Variants in ZNF423 observed in about 807,000 individuals in gnomAD.
ZNF423 encodes zinc finger protein 423.
Under a neutral mutation model 95.8 loss-of-function variants are expected in ZNF423, and 12 were observed. That is an observed-to-expected ratio of 0.13 (90% confidence interval 0.08 to 0.20). The LOEUF is 0.20. Ranked by LOEUF, ZNF423 falls within the 10% of genes least tolerant of loss-of-function variation. The pLI, the probability that ZNF423 is intolerant of heterozygous loss-of-function variation, is 1.00. For missense variants in ZNF423, 1,316 were observed against 1,737.1 expected (o/e 0.76, Z 4.31); for synonymous variants, 749 against 711.9 (o/e 1.05, Z -0.83).
chr16:49,736,756 C>T lies in ZNF423; in HGVS notation c.101-5785G>A, dbSNP rs534274927. On this transcript the variant is annotated intron_variant, in intron 2 of 7. Transcript: ENST00000563137. ...GCTGCAGTGAGCCGTGTTCGCACCA[C>T]TGCACTCCAGCCTGGATAACAGAGC... 7.2e-5 allele frequency among the ~76,000 whole-genome samples: 11 copies of T among 152,202 alleles called. No homozygotes were observed. The South Asian group carries it at 1.2e-3, about 17-fold the overall frequency.
intron 3 of ZNF423, among the ~76,000 whole-genome samples, chr16:49,677,248 T>TAGAAGAGAAGAG (rs1484203280): frequency 1.5e-5 from 1 of 68,556 alleles, no homozygotes; most frequent in African/African-American, 6.7e-5. Context: ...GAAGAGAAGA[T>TAGAAGAGAAGAG]AAGAGAAGAG....
intron 6 of ZNF423, 74 bp from the exon 7 acceptor site, chr16:49,523,813 C>G (rs1170929018): frequency 8.3e-7 from 1 of 1,207,510 alleles, no homozygotes. Flanking sequence ...GCCCCCACAA[C>G]ACTCGCAGGC....
chr16:49,546,378 G>A (rs1284438343), intron 5 of ZNF423, among the ~76,000 whole-genome samples: 2 of 152,110 alleles, frequency 1.3e-5, no homozygotes, highest in East Asian at 1.9e-4. Context: ...CTACTCGGTG[G>A]GGTGTCCTTG....
chr16:49,750,519 A>G (rs965633783), intron 2 of ZNF423, among the ~76,000 whole-genome samples: 2 of 152,146 alleles, frequency 1.3e-5, no homozygotes, highest in Non-Finnish European at 2.9e-5. Context: ...GGAGGGCCAG[A>G]GCCCCCAGGG....
intron 1 of ZNF423, chr16:49,854,275 T>C (rs2035332596): frequency 1.0e-6 from 1 of 985,228 alleles, no homozygotes; most frequent in African/African-American, 1.7e-5. Context: ...GGCGCTCCGT[T>C]TGGACTCAGT....
chr16:49,653,163 G>A (rs572231118), intron 3 of ZNF423, among the ~76,000 whole-genome samples: 2 of 152,072 alleles, frequency 1.3e-5, no homozygotes, highest in South Asian at 2.1e-4. Flanking sequence ...GGGACTTGGG[G>A]TCCCCACTCT....
rs764578156 is a variant in ZNF423 at position 49,635,832 on chromosome 16, A to G, written c.3344T>C (p.Leu1115Pro). Residue 1115 changes from leucine to proline, a missense_variant, in exon 4 of 8, where the codon CTG becomes CCG. Coordinates refer to ENST00000563137, the MANE Select transcript of ZNF423 (RefSeq NM_001379286.1). The surrounding 1 kb of genome is among the most constrained non-coding windows in gnomAD (Gnocchi z 4.8). ...ARSANGQVGGLAPPEPADRPC... is the reference protein window; with the variant it reads ...ARSANGQVGGPAPPEPADRPC... ...CCGGTCGGCGGGCTCGGGCGGGGCC[A>G]GGCCACCCACCTGTCCGTTGGCGCT... The G allele has an allele frequency of 1.9e-6, 3 of 1,606,666 alleles. No individual in the cohort carries two copies. The highest frequency in any genetic ancestry group is 2.5e-6 in the Non-Finnish European group (3 of 1,177,220).
chr16:49,677,012 G>A lies in ZNF423; in HGVS notation c.302-38138C>T, dbSNP rs1267942581. Among the ~76,000 whole-genome samples, 5 of 151,946 alleles carry A rather than the reference G, an allele frequency of 3.3e-5. No individual in the cohort carries two copies. The East Asian group carries it at 9.8e-4, about 30-fold the overall frequency. ...GTGGGCGGATCACCTGAGGTCAGGA[G>A]CTCAAGATCACCCTGGCCAACATGG... On this transcript the variant is annotated intron_variant, in intron 3 of 7. Coordinates refer to ENST00000563137, the MANE Select transcript of ZNF423 (RefSeq NM_001379286.1).
At chr16:49,611,508 A>G (rs1164054941) in intron 5 of ZNF423, among the ~76,000 whole-genome samples, 1 of 152,058 alleles carries the variant, frequency 6.6e-6, no homozygotes, top group Non-Finnish European at 1.5e-5. Context: ...AAAGGCTAAG[A>G]GGGAAATGTA....
At chr16:49,613,579 A>G (rs139131886) in intron 5 of ZNF423, among the ~76,000 whole-genome samples, 27 of 152,308 alleles carry the variant, frequency 1.8e-4, no homozygotes, top group African/African-American at 6.3e-4. Context: ...AGTCCTAGCT[A>G]TTTTGTTAGG....
At chr16:49,746,834 G>A (rs1179814060) in intron 2 of ZNF423, among the ~76,000 whole-genome samples, 1 of 152,044 alleles carries the variant, frequency 6.6e-6, no homozygotes, top group Non-Finnish European at 1.5e-5. Context: ...CCTCCTAACA[G>A]CTGGAGCCCA....
At chr16:49,644,827 G>T (rs1259426884) in intron 3 of ZNF423, among the ~76,000 whole-genome samples, 1 of 151,962 alleles carries the variant, frequency 6.6e-6, no homozygotes, top group Non-Finnish European at 1.5e-5. Flanking sequence ...TCCCACCTTG[G>T]TCCTGCCCCA....
intron 7 of ZNF423, among the ~76,000 whole-genome samples, chr16:49,515,226 C>T (rs546904807): frequency 1.3e-5 from 2 of 152,362 alleles, no homozygotes; most frequent in South Asian, 2.1e-4. Flanking sequence ...GCCCTGGCCC[C>T]GCGCGCACAG....
At chr16:49,696,629 C>G (rs1360868497) in intron 3 of ZNF423, among the ~76,000 whole-genome samples, 1 of 152,174 alleles carries the variant, frequency 6.6e-6, no homozygotes, top group Non-Finnish European at 1.5e-5. Context: ...GCCACAGAGG[C>G]TGTGACGGCA....
intron 5 of ZNF423, among the ~76,000 whole-genome samples, chr16:49,589,193 C>A (rs1434250904): frequency 6.6e-5 from 10 of 152,206 alleles, no homozygotes; most frequent in African/African-American, 2.4e-4. Flanking sequence ...AAGTCCATCA[C>A]AAAGGGGAAA....
intron 5 of ZNF423, among the ~76,000 whole-genome samples, chr16:49,528,535 GAA>G (rs1968707839): frequency 6.6e-6 from 1 of 152,160 alleles, no homozygotes; most frequent in African/African-American, 2.4e-5. Flanking sequence ...CAAACCTGGG[GAA>G]AGAGGGGAGG....
At chr16:49,664,377 C>T (rs2030425044) in intron 3 of ZNF423, 1 of 789,644 alleles carries the variant, frequency 1.3e-6, no homozygotes, top group Non-Finnish European at 1.5e-6. Context: ...TGGGAAAAGG[C>T]ACAGATGGGG....
Position 49,726,360 on chromosome 16 carries a change from TA to T in ZNF423, c.301+4410del, listed in dbSNP as rs2033014012. On this transcript the variant is annotated intron_variant, in intron 3 of 7. Coordinates refer to ENST00000563137, the MANE Select transcript of ZNF423 (RefSeq NM_001379286.1). ...CAGGTGACTGGCTTCAGTGAGCACATAAAAAACCACCATCACCCCATGGGCA... is the reference window on the plus strand; with the variant it reads ...CAGGTGACTGGCTTCAGTGAGCACATAAAAACCACCATCACCCCATGGGCA... 2.0e-5 allele frequency among the ~76,000 whole-genome samples: 3 copies of T among 152,000 alleles called. No homozygotes were observed. In the South Asian group the frequency reaches 6.2e-4, roughly 32 times the overall value.
At chr16:49,514,903 G>A (rs1301978051) in intron 7 of ZNF423, among the ~76,000 whole-genome samples, 2 of 152,188 alleles carry the variant, frequency 1.3e-5, no homozygotes, top group Admixed American at 6.5e-5. Context: ...ACATACACGC[G>A]CTGTGAACTC....
Sources: allele counts gnomAD v4.1 joint callset (sites outside exome capture counted in the v4.1 genomes callset), GRCh38; gene constraint gnomAD v4.1.1; non-coding constraint Gnocchi (gnomAD v3.1); transcripts MANE v1.5; gene names NCBI Gene and HGNC (gene_info 2026-07-23, HGNC 2026-07-21).